The following SAXO1 variants were observed in gnomAD, a reference collection of about 807,000 sequenced individuals.
The protein encoded by SAXO1 is 4930500O09Rik.
Under a neutral mutation model 17.5 loss-of-function variants are expected in SAXO1, and 21 were observed. The ratio of observed to expected loss-of-function variants is 1.20; its 90% CI spans 0.85 to 1.72. SAXO1 has a LOEUF of 1.72. SAXO1 is among the 40% of genes most tolerant of loss of function. The probability of loss-of-function intolerance (pLI) is 0.00; values close to 1 mark genes in which losing one functional copy is unlikely to be tolerated. For synonymous variants in SAXO1, 274 were observed against 216.5 expected (o/e 1.27, Z -2.33); for missense variants, 843 against 596.0 (o/e 1.41, Z -4.32).
At chr9:19,032,130 C>T (rs150938155) in intron 1 of SAXO1, among the ~76,000 whole-genome samples, 98 of 152,238 alleles carry the variant, frequency 6.4e-4, no homozygotes, top group African/African-American at 2.1e-3. Flanking sequence ...GGAAAGGTGA[C>T]CTCAGAACCC....
At chr9:19,033,865 A>G (rs751484791), upstream of SAXO1, among the ~76,000 whole-genome samples, 2 of 152,180 alleles carry the variant, frequency 1.3e-5, no homozygotes, top group Non-Finnish European at 2.9e-5. Flanking sequence ...ACAAGCTCTC[A>G]GGTAATGCTG....
intron 2 of SAXO1, among the ~76,000 whole-genome samples, chr9:18,943,974 A>AGGCTC (rs1378714484): frequency 6.6e-6 from 1 of 152,238 alleles, no homozygotes; most frequent in African/African-American, 2.4e-5. Flanking sequence ...AAAGGCTGCC[A>AGGCTC]GACTCTTGAA....
intron 1 of SAXO1, among the ~76,000 whole-genome samples, chr9:19,041,905 C>T (rs990547797): frequency 6.6e-6 from 1 of 151,888 alleles, no homozygotes; most frequent in Non-Finnish European, 1.5e-5. Context: ...TGAGTAATAC[C>T]CCACAAGCAC....
chr9:19,035,245 T>C (rs551785113), upstream of SAXO1, among the ~76,000 whole-genome samples: 2 of 152,296 alleles, frequency 1.3e-5, no homozygotes, highest in African/African-American at 4.8e-5. Flanking sequence ...CAGTGGGAGA[T>C]AATTTGAATC....
Position 18,928,587 on chromosome 9 carries a change from G to A in SAXO1, c.890C>T (p.Pro297Leu), listed in dbSNP as rs768672106. The A allele has an allele frequency of 2.4e-5, 38 of 1,614,190 alleles. No individual in the cohort carries two copies. Among genetic ancestry groups the A allele is most frequent in the Non-Finnish European group, 3.1e-5 (37 of 1,180,034 alleles). Reference sequence around the variant, plus strand: ...TGTCAGAAGATCCATCCTGTCTTCGGGAGGGACGTAGGTGATGGGAGCTTT... The same window carrying A: ...TGTCAGAAGATCCATCCTGTCTTCGAGAGGGACGTAGGTGATGGGAGCTTT... Reference protein sequence around the residue: ...FSKAPITYVPPEDRMDLLTTV... With the variant: ...FSKAPITYVPLEDRMDLLTTV... Residue 297 changes from proline (P) to leucine (L), a missense_variant, in exon 4 of 4, where the codon CCC becomes CTC. Coordinates refer to ENST00000380534, the MANE Select transcript of SAXO1 (RefSeq NM_153707.4).
intron 1 of SAXO1, among the ~76,000 whole-genome samples, chr9:19,019,299 C>T (rs1339797542): frequency 2.0e-5 from 3 of 152,108 alleles, no homozygotes; most frequent in Non-Finnish European, 4.4e-5. Flanking sequence ...AGAAAAAAGG[C>T]TCTTCTGTCT....
intron 1 of SAXO1, among the ~76,000 whole-genome samples, chr9:18,990,858 G>C (rs978668786): frequency 6.6e-6 from 1 of 152,162 alleles, no homozygotes; most frequent in Non-Finnish European, 1.5e-5. Flanking sequence ...ATCATCCCTA[G>C]AATGGGACCA....
chr9:18,957,590 T>C (rs1832306266), intron 1 of SAXO1, among the ~76,000 whole-genome samples: 1 of 152,182 alleles, frequency 6.6e-6, no homozygotes, highest in Non-Finnish European at 1.5e-5. Context: ...AGGAAAGCAG[T>C]GCAGATAATG....
intron 1 of SAXO1, among the ~76,000 whole-genome samples, chr9:19,016,715 G>A (rs1379640594): frequency 1.3e-5 from 2 of 151,312 alleles, no homozygotes; most frequent in East Asian, 3.9e-4. Context: ...CCTAAGTTGA[G>A]CCTTTTCATA....
In SAXO1 at chr9:19,041,695, A is replaced by G. The variant is rs371629084; in HGVS notation, c.-158+7514T>C. On this transcript the variant is annotated intron_variant, in intron 1 of 3. Transcript: ENST00000542071. The stretch of plus-strand genomic sequence containing the variant: ...AGGTGCCAAGAACATGCATGGGGTA[A>G]AAACAGTCTCTTCAATAAATAGTGC... 2.0e-5 allele frequency among the ~76,000 whole-genome samples: 3 copies of G among 152,234 alleles called. No homozygotes were observed. In the South Asian group the frequency reaches 6.2e-4, roughly 32 times the overall value.
At chr9:18,980,710 A>G (rs1206056564) in intron 1 of SAXO1, among the ~76,000 whole-genome samples, 3 of 142,370 alleles carry the variant, frequency 2.1e-5, no homozygotes, top group African/African-American at 7.9e-5. Flanking sequence ...TTTAAATCCT[A>G]TATGTCTTAT....
chr9:18,983,894 C>A (rs560242027), intron 1 of SAXO1, among the ~76,000 whole-genome samples: 21 of 152,348 alleles, frequency 1.4e-4, no homozygotes, highest in African/African-American at 4.8e-4. Context: ...GACATGCTGA[C>A]TCTTGTTAGG....
chr9:19,004,410 T>C (rs1272249050), intron 1 of SAXO1, among the ~76,000 whole-genome samples: 1 of 152,228 alleles, frequency 6.6e-6, no homozygotes, highest in Non-Finnish European at 1.5e-5. Flanking sequence ...TAAAGACACA[T>C]GCACATATAT....
rs138188103 is a variant in SAXO1, at chr9:18,997,339, T to C, written c.38+35532A>G. Among the ~76,000 whole-genome samples the C allele has an allele frequency of 2.4e-4, 37 of 152,374 alleles. No individual in the cohort carries two copies. The East Asian group carries it at 2.7e-3, about 11-fold the overall frequency. ...TCACATGCCCACAGAGCCTTCTCAC[T>C]GCTAGCGCAGCAGTATGAGATCAAC... On this transcript the variant is annotated intron_variant, in intron 1 of 3. Transcript: ENST00000380534.
At chr9:19,004,843 G>A (rs1301105781) in intron 1 of SAXO1, among the ~76,000 whole-genome samples, 5 of 152,108 alleles carry the variant, frequency 3.3e-5, no homozygotes, top group African/African-American at 1.2e-4. Flanking sequence ...TTGTGCACAT[G>A]TACGCTAGAA....
chr9:18,990,660 C>T (rs369847825), intron 1 of SAXO1, among the ~76,000 whole-genome samples: 59 of 152,286 alleles, frequency 3.9e-4, no homozygotes, highest in African/African-American at 1.3e-3. Flanking sequence ...GAGTGGCAGG[C>T]GAGCAAGTGA....
chr9:18,980,528 C>CAGGG (rs757836492), intron 1 of SAXO1, among the ~76,000 whole-genome samples: 5 of 81,812 alleles, frequency 6.1e-5, no homozygotes, highest in Admixed American at 1.1e-4. Context: ...AAGGTAGTGG[C>CAGGG]GGGGGGAGGG....
chr9:18,965,087 G>A (rs910155950), intron 1 of SAXO1, among the ~76,000 whole-genome samples: 4 of 152,174 alleles, frequency 2.6e-5, no homozygotes, highest in African/African-American at 7.2e-5. Context: ...TCTTAATCCC[G>A]AGTTCTAATT....
chr9:18,938,561 C>A (rs543220139), intron 3 of SAXO1, among the ~76,000 whole-genome samples: 3 of 152,132 alleles, frequency 2.0e-5, no homozygotes, highest in Non-Finnish European at 4.4e-5. Flanking sequence ...CAAAAACCGC[C>A]CCCATTATAC....
Sources: allele counts gnomAD v4.1 joint callset (sites outside exome capture counted in the v4.1 genomes callset), GRCh38; gene constraint gnomAD v4.1.1; transcripts MANE v1.5; gene names NCBI Gene and HGNC (gene_info 2026-07-23, HGNC 2026-07-21).